FAM184A: variants seen among roughly 807,000 people sequenced by gnomAD.
FAM184A encodes the protein family with sequence similarity 184 member A.
A neutral mutation model predicts 143.8 loss-of-function variants in FAM184A; 99 were observed. The observed-to-expected ratio is 0.69, with a 90% CI of 0.58 to 0.81. FAM184A has a LOEUF of 0.81. Among genes scored for constraint, FAM184A ranks in the 40% least tolerant of loss-of-function variants. The probability of loss-of-function intolerance (pLI) is 0.00; values close to 1 mark genes in which losing one functional copy is unlikely to be tolerated. For missense variants in FAM184A, 1,217 were observed against 1,310.5 expected, an observed-to-expected ratio of 0.93 and a Z score of 1.10; for synonymous variants, 427 against 446.4, an observed-to-expected ratio of 0.96 and a Z score of 0.55.
At chr6:119,102,763 CTGA>C (rs945767827) in intron 1 of FAM184A, among the ~76,000 whole-genome samples, 2 of 110,656 alleles carry the variant, frequency 1.8e-5, no homozygotes, top group African/African-American at 7.0e-5. Flanking sequence ...GCACTCCAGC[CTGA>C]TGACAGAGAC....
chr6:119,132,475 A>G (rs1789560254), intron 1 of FAM184A, among the ~76,000 whole-genome samples: 1 of 152,262 alleles, frequency 6.6e-6, no homozygotes, highest in African/African-American at 2.4e-5. Context: ...ATCTGGTGCT[A>G]CAACAGCTGC....
chr6:119,038,031 A>G (rs1786176421), intron 1 of FAM184A, among the ~76,000 whole-genome samples: 2 of 152,270 alleles, frequency 1.3e-5, no homozygotes, highest in South Asian at 4.2e-4. Flanking sequence ...AATCACTAAG[A>G]AGAAATTTGA....
chr6:119,089,177 T>G (rs1359862938), intron 1 of FAM184A, among the ~76,000 whole-genome samples: 1 of 140,116 alleles, frequency 7.1e-6, no homozygotes, highest in East Asian at 2.0e-4. Context: ...TTTTTAATTA[T>G]CTCTCTCTCT....
intron 1 of FAM184A, among the ~76,000 whole-genome samples, chr6:119,132,597 G>A (rs637631): frequency 0.036 from 5,466 of 152,168 alleles, 319 homozygotes; most frequent in African/African-American, 0.12. Flanking sequence ...TTTAAAAAAC[G>A]TACTCATCTA....
intron 14 of FAM184A, among the ~76,000 whole-genome samples, chr6:118,974,002 C>A (rs1237441148): frequency 1.3e-5 from 2 of 152,032 alleles, no homozygotes; most frequent in African/African-American, 4.8e-5. Context: ...CTTGAGGGAA[C>A]CATTACCATT....
intron 9 of FAM184A, among the ~76,000 whole-genome samples, chr6:119,000,331 T>C (rs1482490330): frequency 6.6e-6 from 1 of 152,226 alleles, no homozygotes; most frequent in East Asian, 1.9e-4. Flanking sequence ...AGAATTCAAA[T>C]GTATACACTG....
intron 1 of FAM184A, among the ~76,000 whole-genome samples, chr6:119,063,050 C>T (rs896750394): frequency 2.6e-5 from 4 of 152,140 alleles, no homozygotes; most frequent in African/African-American, 9.6e-5. Context: ...TAAGATTAAA[C>T]ATCAACAAAA....
rs754224095 is a variant in FAM184A at position 119,003,011 on chromosome 6, T to C, written c.1976A>G (p.Gln659Arg). 1 of 1,612,426 alleles carries C rather than the reference T, an allele frequency of 6.2e-7. No homozygotes were observed. The highest frequency in any genetic ancestry group is 8.5e-7 in the Non-Finnish European group (1 of 1,179,428). Reference protein sequence around the residue: ...CSKLREELRLQHEEDKKSAMS... With the variant: ...CSKLREELRLRHEEDKKSAMS... ...TGCTGACTTCTTATCCTCTTCATGTTGAAGCCTTAACTCTTCACGAAGTTT... is the reference window on the plus strand; with the variant it reads ...TGCTGACTTCTTATCCTCTTCATGTCGAAGCCTTAACTCTTCACGAAGTTT... The change falls in exon 9 of 18, where the codon CAA becomes CGA. Residue 659 changes from glutamine (Q) to arginine (R), a missense_variant. By Grantham distance (43) the Gln-to-Arg change is conservative (BLOSUM62 1). Transcript: ENST00000338891.
chr6:119,024,031 A>C lies in FAM184A; in HGVS notation c.942T>G (p.Asp314Glu). The change falls in exon 2 of 18, where the codon GAT becomes GAG. Residue 314 changes from aspartate (D) to glutamate (E), a missense_variant. Coordinates refer to ENST00000338891, the MANE Select transcript of FAM184A (RefSeq NM_024581.6). ...ATTTGTCAAGAAGACTTCCAGCTTC[A>C]TCCTGTACCATCTGTAACTCTGTCT... ...KLKTELQMVQ[D>E]EAGSLLDKCQ... 6.2e-7 allele frequency: 1 copy of C among 1,614,000 alleles called. No individual in the cohort carries two copies.
chr6:119,081,754 C>G (rs372844799), upstream of FAM184A, among the ~76,000 whole-genome samples: 143 of 152,334 alleles, frequency 9.4e-4, 2 homozygotes, highest in African/African-American at 3.3e-3. Context: ...TCTCCAACTG[C>G]CCCAGTCAAA....
chr6:119,107,882 C>T (rs1788830195), intron 1 of FAM184A, among the ~76,000 whole-genome samples: 1 of 151,916 alleles, frequency 6.6e-6, no homozygotes, highest in Admixed American at 6.6e-5. Context: ...GATGCTGTTG[C>T]TGGGCAAGTG....
intron 6 of FAM184A, among the ~76,000 whole-genome samples, chr6:119,007,283 A>AT (rs1328674154): frequency 6.6e-6 from 1 of 152,236 alleles, no homozygotes; most frequent in African/African-American, 2.4e-5. Context: ...TTCTTATAAA[A>AT]TGGCCAAGCC....
chr6:118,972,611 T>A (rs1013145819), intron 14 of FAM184A, among the ~76,000 whole-genome samples: 1 of 152,128 alleles, frequency 6.6e-6, no homozygotes, highest in Non-Finnish European at 1.5e-5. Flanking sequence ...TTAAAAATGA[T>A]CATAAAATCA....
chr6:119,110,920 T>A (rs1027871686), intron 1 of FAM184A, among the ~76,000 whole-genome samples: 1 of 152,218 alleles, frequency 6.6e-6, no homozygotes, highest in Admixed American at 6.5e-5. Flanking sequence ...TCATGAATAT[T>A]TGCTGCCACC....
chr6:119,115,965 T>C (rs1294036173), intron 1 of FAM184A, among the ~76,000 whole-genome samples: 1 of 103,218 alleles, frequency 9.7e-6, no homozygotes, highest in Non-Finnish European at 2.1e-5. Context: ...AAAGACTCCG[T>C]CTCAAACACA....
chr6:118,960,792 C>T (rs992347348), intron 17 of FAM184A: 3 of 1,365,334 alleles, frequency 2.2e-6, no homozygotes, highest in Admixed American at 1.9e-5. Context: ...AATTACAAGG[C>T]ACGCAACAAT....
rs549936512 is a variant in FAM184A, at chr6:118,970,011, T to A, written c.2916-3059A>T. ...TATATATAATATATATATATATATT[T>A]TTTTTTTTTTGAGATGGAGTTTTGT... On this transcript the variant is annotated intron_variant, in intron 14 of 17. Coordinates refer to ENST00000338891, the MANE Select transcript of FAM184A (RefSeq NM_024581.6). 4.6e-3 allele frequency among the ~76,000 whole-genome samples: 263 copies of A among 57,682 alleles called. 33 individuals carry two copies. Among genetic ancestry groups the A allele is most frequent in the African/African-American group, 0.015 (226 of 15,206 alleles). The allele number at this position is 57,682 out of a possible 152,430, so 37.8% of individuals were successfully genotyped here. A position where few individuals can be genotyped will look rare whatever the true frequency, so the allele number is the denominator to read the frequency against.
At chr6:119,138,257 T>C (rs1263934840) in intron 1 of FAM184A, among the ~76,000 whole-genome samples, 4 of 152,232 alleles carry the variant, frequency 2.6e-5, no homozygotes, top group Admixed American at 1.3e-4. Flanking sequence ...ATTTCTTTAA[T>C]AGAAAGTACT....
chr6:119,142,353 C>T (rs527705375), intron 1 of FAM184A, among the ~76,000 whole-genome samples: 5 of 152,272 alleles, frequency 3.3e-5, no homozygotes, highest in South Asian at 2.1e-4. Flanking sequence ...AGGAGGATAA[C>T]GCAATGCAGC....
Sources: gnomAD v4.1 joint callset for allele counts (sites outside exome capture counted in the v4.1 genomes callset) on GRCh38, gnomAD v4.1.1 for gene constraint, MANE v1.5 for transcripts, NCBI Gene and HGNC (gene_info 2026-07-23, HGNC 2026-07-21) for gene names.